NEO1: variants seen among roughly 807,000 people sequenced by gnomAD.
NEO1 encodes the protein neogenin.
NEO1 carries 63 observed loss-of-function variants against 159.7 expected under a neutral mutation model. That is an observed-to-expected ratio of 0.39 (90% CI 0.32 to 0.49). The LOEUF is 0.49. Among genes scored for constraint, NEO1 ranks in the 20% least tolerant of loss-of-function variants. The probability of loss-of-function intolerance (pLI) is 0.85; values close to 1 mark genes in which losing one functional copy is unlikely to be tolerated. For synonymous variants in NEO1, 633 were observed against 662.0 expected, an observed-to-expected ratio of 0.96 and a Z score of 0.67; for missense variants, 1,615 against 1,831.0, an observed-to-expected ratio of 0.88 and a Z score of 2.15.
intron 4 of NEO1, among the ~76,000 whole-genome samples, chr15:73,130,882 A>G (rs925595715): frequency 6.6e-6 from 1 of 152,224 alleles, no homozygotes; most frequent in African/African-American, 2.4e-5. Flanking sequence ...GTGGGGGAAC[A>G]ATAATGAGAC....
chr15:73,232,408 C>T (rs989872002), intron 7 of NEO1, among the ~76,000 whole-genome samples: 2 of 152,200 alleles, frequency 1.3e-5, no homozygotes, highest in Admixed American at 6.5e-5. Flanking sequence ...TGCTCAAATA[C>T]CTCAAGCCAA....
chr15:73,217,769 T>C (rs1429178229), intron 7 of NEO1, among the ~76,000 whole-genome samples: 10 of 151,998 alleles, frequency 6.6e-5, no homozygotes, highest in African/African-American at 2.4e-4. Context: ...TTTTTGTACA[T>C]TGATTTTGTA....
chr15:73,086,785 G>A (rs990762618), intron 1 of NEO1, among the ~76,000 whole-genome samples: 4 of 115,570 alleles, frequency 3.5e-5, no homozygotes, highest in Non-Finnish European at 7.1e-5. Flanking sequence ...CTCCTGAGTA[G>A]CTAGGATTAC....
In NEO1 at chr15:73,248,363, T is replaced by G. The variant is rs117104444; in HGVS notation, c.1607-697T>G. Among the ~76,000 whole-genome samples, 482 of 152,290 alleles carry G rather than the reference T, an allele frequency of 3.2e-3. 2 individuals are homozygous for G. The highest frequency in any genetic ancestry group is 5.0e-3 in the Non-Finnish European group (341 of 68,018). ...AATGTGAGCTTCAATAGCAGGACATTAGAGGGTTCTTCACTATCTGACTAG... is the reference window on the plus strand; with the variant it reads ...AATGTGAGCTTCAATAGCAGGACATGAGAGGGTTCTTCACTATCTGACTAG... On this transcript the variant is annotated intron_variant, in intron 9 of 28. Transcript: ENST00000261908.
At chr15:73,217,257 T>C (rs1221111748) in intron 7 of NEO1, among the ~76,000 whole-genome samples, 1 of 150,926 alleles carries the variant, frequency 6.6e-6, no homozygotes, top group African/African-American at 2.4e-5. Flanking sequence ...CAGTGTTATT[T>C]CTGAGGGCTC....
intron 19 of NEO1, among the ~76,000 whole-genome samples, 156 bp downstream of exon 19, chr15:73,272,718 G>A (rs1025834117): frequency 6.6e-6 from 1 of 152,124 alleles, no homozygotes; most frequent in African/African-American, 2.4e-5. Context: ...TGAAATTGGG[G>A]TGAGGCTGTG....
At chr15:73,170,910 C>T (rs1360401061) in intron 5 of NEO1, among the ~76,000 whole-genome samples, 1 of 151,264 alleles carries the variant, frequency 6.6e-6, no homozygotes, top group Non-Finnish European at 1.5e-5. Context: ...CAATGATAAC[C>T]AAAGGCTGTT....
At chr15:73,051,856 G>T (rs964397965), upstream of NEO1, 1 of 152,226 alleles carries the variant, frequency 6.6e-6, no homozygotes, top group Non-Finnish European at 1.5e-5. Flanking sequence ...GAGGCCTTTC[G>T]GTTTCCTCTG....
chr15:73,128,262 T>A lies in NEO1; in HGVS notation c.878+1692T>A, dbSNP rs183044288. 6.6e-5 allele frequency among the ~76,000 whole-genome samples: 10 copies of A among 151,282 alleles called. No homozygotes were observed. The East Asian group carries it at 1.9e-3, about 29-fold the overall frequency. On this transcript the variant is annotated intron_variant, in intron 4 of 28. Transcript: ENST00000261908. ...TTCATTTTTTTTTTTTTTTGCCAAC[T>A]GAAACATAGGGAACCTTAAAATAGT...
chr15:73,192,351 C>T (rs2036280664), intron 7 of NEO1, among the ~76,000 whole-genome samples: 1 of 151,822 alleles, frequency 6.6e-6, no homozygotes, highest in Non-Finnish European at 1.5e-5. Flanking sequence ...ACATGGTAGT[C>T]CTTATATTAC....
chr15:73,125,997 A>C (rs1259937076), intron 3 of NEO1, among the ~76,000 whole-genome samples: 1 of 152,222 alleles, frequency 6.6e-6, no homozygotes, highest in Admixed American at 6.5e-5. Context: ...ATTCATGTCA[A>C]ATATCTCTCG....
intron 7 of NEO1, among the ~76,000 whole-genome samples, chr15:73,212,393 C>T (rs1318067507): frequency 1.3e-5 from 2 of 152,152 alleles, no homozygotes; most frequent in African/African-American, 4.8e-5. Flanking sequence ...TTTCTTCTAT[C>T]CACCTTCTTC....
intron 1 of NEO1, among the ~76,000 whole-genome samples, chr15:73,075,738 T>C (rs143926065): frequency 1.3e-5 from 2 of 152,272 alleles, no homozygotes; most frequent in African/African-American, 4.8e-5. Context: ...TTGAGCCAAA[T>C]AGTGCTGTCC....
In NEO1 at chr15:73,052,692, G is replaced by T; in HGVS notation, c.17G>T (p.Gly6Val). The change falls in exon 1 of 29, where the codon GGA becomes GTA. Residue 6 changes from glycine (G) to valine (V), a missense_variant. Gly to Val is a moderately radical substitution (Grantham distance 109). Coordinates refer to ENST00000261908, the MANE Select transcript of NEO1 (RefSeq NM_002499.4). ...GGGGAAGAGATGGCGGCGGAGCGGG[G>T]AGCCCGGCGACTCCTCAGCACCCCC... MAAER[G>V]ARRLLSTPSF... The T allele has an allele frequency of 7.4e-7, 1 of 1,357,408 alleles. No individual in the cohort carries two copies. 84.1% of individuals were successfully genotyped at this position (1,357,408 alleles called of 1,614,324 possible).
intron 15 of NEO1, among the ~76,000 whole-genome samples, chr15:73,262,138 C>A (rs1567633570): frequency 6.6e-6 from 1 of 152,030 alleles, no homozygotes; most frequent in African/African-American, 2.4e-5. Context: ...TGCAAATGAC[C>A]CAATGACTTT....
rs144627249 is a variant in NEO1 at position 73,298,792 on chromosome 15, C to T, written c.4165+181C>T. The stretch of plus-strand genomic sequence containing the variant: ...CCCGCCCAGGAAGTTTATGGCCTCC[C>T]CTTTTCTGGGAACACTTACAAACCG... On this transcript the variant is annotated intron_variant, in intron 27 of 28. Transcript: ENST00000261908. Among the ~76,000 whole-genome samples, 444 of 152,348 alleles carry T rather than the reference C, an allele frequency of 2.9e-3. 5 individuals carry two copies. The highest frequency in any genetic ancestry group is 0.01 in the African/African-American group (426 of 41,576).
chr15:73,068,223 A>C (rs868752557), intron 1 of NEO1, among the ~76,000 whole-genome samples: 7,056 of 82,198 alleles, frequency 0.086, 34 homozygotes, highest in South Asian at 0.12. Flanking sequence ...TTGTCCCCCT[A>C]CCCCCCCCCC....
chr15:73,222,091 A>AT (rs71137336), intron 7 of NEO1: 5,067 of 52,474 alleles, frequency 0.097, 1,307 homozygotes, highest in Non-Finnish European at 0.12. Context: ...CCTGTTGGTA[A>AT]TTTTTTTTTT....
intron 7 of NEO1, among the ~76,000 whole-genome samples, chr15:73,201,954 C>CTT (rs1206304409): frequency 0.038 from 3,181 of 83,202 alleles, 107 homozygotes; most frequent in African/African-American, 0.09. Context: ...CTATATCATT[C>CTT]TTTTTTTTTT....
Sources: gnomAD v4.1 joint callset for allele counts (sites outside exome capture counted in the v4.1 genomes callset) on GRCh38, gnomAD v4.1.1 for gene constraint, MANE v1.5 for transcripts, NCBI Gene and HGNC (gene_info 2026-07-23, HGNC 2026-07-21) for gene names.